The following UNC79 variants were observed in gnomAD, a reference collection of about 807,000 sequenced individuals.
The protein encoded by UNC79 is protein unc-79 homolog.
In UNC79, 37 loss-of-function variants were observed where a neutral mutation model predicts 283.1. That is an observed-to-expected ratio of 0.13 (90% CI 0.10 to 0.17). The LOEUF is 0.17. Among genes scored for constraint, UNC79 ranks in the 10% least tolerant of loss-of-function variants. The pLI is 1.00. For missense variants in UNC79, 2,272 were observed against 3,211.1 expected, an observed-to-expected ratio of 0.71 and a Z score of 7.07; for synonymous variants, 1,107 against 1,200.2, an observed-to-expected ratio of 0.92 and a Z score of 1.61.
At chr14:93,368,002 T>G (rs574890800) in intron 1 of UNC79, among the ~76,000 whole-genome samples, 17 of 152,376 alleles carry the variant, frequency 1.1e-4, no homozygotes, top group African/African-American at 4.1e-4. Flanking sequence ...TTTACACATT[T>G]ATGTAAAATT....
chr14:93,461,081 G>A (rs2056948300), intron 1 of UNC79, among the ~76,000 whole-genome samples: 1 of 152,148 alleles, frequency 6.6e-6, no homozygotes, highest in African/African-American at 2.4e-5. Context: ...TCCTATTCTG[G>A]TAAATGTATA....
At chr14:93,441,021 A>C (rs2056281793) in intron 1 of UNC79, among the ~76,000 whole-genome samples, 1 of 151,992 alleles carries the variant, frequency 6.6e-6, no homozygotes, top group South Asian at 2.1e-4. Context: ...GGATTGTGAG[A>C]GGTATGTTAA....
rs77498062 is a variant in UNC79, at chr14:93,379,205, A to G, written c.-351+45682A>G. Among the ~76,000 whole-genome samples, 1,207 of 152,242 alleles carry G rather than the reference A, an allele frequency of 7.9e-3. 18 individuals are homozygous for G. Among genetic ancestry groups the G allele is most frequent in the African/African-American group, 0.028 (1,157 of 41,542 alleles). On this transcript the variant is annotated intron_variant, in intron 1 of 49. Coordinates refer to the UNC79 transcript ENST00000256339. ...TGATATTCCTCTTATTACTCCAGGT[A>G]TAATCTTTATCAACATCTTTTACTT... is the stretch of plus-strand genomic sequence containing the variant.
At chr14:93,529,512 C>A (rs552294215) in intron 10 of UNC79, among the ~76,000 whole-genome samples, 186 bp downstream of exon 10, 1 of 152,008 alleles carries the variant, frequency 6.6e-6, no homozygotes, top group Non-Finnish European at 1.5e-5. Context: ...TTTAATAATG[C>A]GGGAAGTAGT....
chr14:93,498,664 TTAA>T (rs2059142475), intron 7 of UNC79, among the ~76,000 whole-genome samples: 1 of 152,106 alleles, frequency 6.6e-6, no homozygotes. Context: ...TTTGATGTAA[TTAA>T]TAATGAGAAA....
chr14:93,682,147 G>C (rs1033365561), intron 41 of UNC79, among the ~76,000 whole-genome samples: 1 of 152,198 alleles, frequency 6.6e-6, no homozygotes, highest in African/African-American at 2.4e-5. Flanking sequence ...ATGAATAGGG[G>C]CAGGAAGATG....
chr14:93,598,658 A>C (rs2065267393), intron 24 of UNC79, among the ~76,000 whole-genome samples: 1 of 152,090 alleles, frequency 6.6e-6, no homozygotes, highest in Admixed American at 6.5e-5. Context: ...AATAGCTGGG[A>C]CTACAGGCTT....
At chr14:93,547,520 C>A (rs2141255595) in intron 14 of UNC79, among the ~76,000 whole-genome samples, 1 of 152,316 alleles carries the variant, frequency 6.6e-6, no homozygotes, top group Non-Finnish European at 1.5e-5. Context: ...ACCAACATTA[C>A]AGGTCACTGT....
intron 1 of UNC79, among the ~76,000 whole-genome samples, chr14:93,351,465 T>C (rs995876637): frequency 3.3e-5 from 5 of 152,224 alleles, no homozygotes; most frequent in African/African-American, 1.2e-4. Flanking sequence ...TTTGCTAATA[T>C]TCATTCATTC....
At chr14:93,492,347 A>G (rs184783625) in intron 5 of UNC79, among the ~76,000 whole-genome samples, 4 of 151,358 alleles carry the variant, frequency 2.6e-5, no homozygotes, top group African/African-American at 4.8e-5. Flanking sequence ...GTTTTAAATT[A>G]TGGAGAGAGT....
At chr14:93,436,768 T>C (rs760142952) in intron 1 of UNC79, among the ~76,000 whole-genome samples, 13 of 152,226 alleles carry the variant, frequency 8.5e-5, no homozygotes, top group Admixed American at 1.3e-4. Context: ...TATATTCTTA[T>C]CAATACTCTT....
chr14:93,581,783 T>C (rs535848428), intron 19 of UNC79, among the ~76,000 whole-genome samples: 16 of 152,198 alleles, frequency 1.1e-4, no homozygotes, highest in Admixed American at 3.3e-4. Flanking sequence ...TGAGCCACCA[T>C]GCCCGGCCAT....
intron 1 of UNC79, among the ~76,000 whole-genome samples, chr14:93,402,151 G>A (rs1047722751): frequency 2.3e-4 from 35 of 151,736 alleles, no homozygotes; most frequent in Non-Finnish European, 3.8e-4. Context: ...GGTAGTGGAT[G>A]CCTGTATCCC....
At chr14:93,555,834 A>G (rs1336210370) in intron 14 of UNC79, among the ~76,000 whole-genome samples, 1 of 152,198 alleles carries the variant, frequency 6.6e-6, no homozygotes, top group Non-Finnish European at 1.5e-5. Flanking sequence ...GTGAAATAAG[A>G]TAGATAATTT....
intron 1 of UNC79, among the ~76,000 whole-genome samples, chr14:93,379,236 A>G (rs1007152962): frequency 1.3e-5 from 2 of 152,136 alleles, no homozygotes; most frequent in Admixed American, 1.3e-4. Flanking sequence ...TACTTGAACT[A>G]CAGAGAATAT....
At chr14:93,524,169 C>A in intron 8 of UNC79, 127 bp downstream of exon 8, 1 of 998,066 alleles carries the variant, frequency 1.0e-6, no homozygotes, top group East Asian at 2.5e-5. Context: ...GAAGTACCTC[C>A]ATATTCAATC....
chr14:93,407,752 T>G (rs1012858724), intron 1 of UNC79, among the ~76,000 whole-genome samples: 13 of 152,012 alleles, frequency 8.6e-5, no homozygotes, highest in African/African-American at 3.1e-4. Context: ...AATTATAAGA[T>G]TATAGAATGC....
intron 1 of UNC79, among the ~76,000 whole-genome samples, chr14:93,369,753 GA>G (rs1202315995): frequency 6.6e-6 from 1 of 152,172 alleles, no homozygotes; most frequent in African/African-American, 2.4e-5. Flanking sequence ...CAGGCAGAGG[GA>G]AAAGGAACCA....
At chr14:93,475,245 A>G (rs2057733568) in intron 3 of UNC79, among the ~76,000 whole-genome samples, 1 of 152,124 alleles carries the variant, frequency 6.6e-6, no homozygotes, top group Admixed American at 6.5e-5. Context: ...TAACTTCAAA[A>G]CTCTGATAAT....
Sources: gnomAD v4.1 joint callset for allele counts (sites outside exome capture counted in the v4.1 genomes callset) on GRCh38, gnomAD v4.1.1 for gene constraint, MANE v1.5 for transcripts, NCBI Gene and HGNC (gene_info 2026-07-23, HGNC 2026-07-21) for gene names.